The following ARFGAP3 variants were observed in gnomAD, a reference collection of about 807,000 sequenced individuals.
ARFGAP3 encodes ADP-ribosylation factor GTPase-activating protein 3.
A neutral mutation model predicts 75.0 loss-of-function variants in ARFGAP3; 72 were observed. The observed-to-expected ratio is 0.96, with a 90% CI of 0.79 to 1.17. The LOEUF (loss-of-function observed/expected upper bound fraction) is 1.17, where lower values mean the gene tolerates loss of function less well. ARFGAP3 is among the 50% of genes most tolerant of loss of function. The pLI is 0.00. For missense variants in ARFGAP3, 620 were observed against 626.6 expected (o/e 0.99, Z 0.11); for synonymous variants, 221 against 217.9 (o/e 1.01, Z -0.13).
chr22:42,803,206 T>A (rs1924958152), intron 14 of ARFGAP3, among the ~76,000 whole-genome samples: 1 of 152,164 alleles, frequency 6.6e-6, no homozygotes, highest in South Asian at 2.1e-4. Flanking sequence ...GGTCCCACTA[T>A]GTTGTCCAGG....
intron 14 of ARFGAP3, among the ~76,000 whole-genome samples, chr22:42,804,714 C>T (rs2146527534): frequency 6.6e-6 from 1 of 152,172 alleles, no homozygotes; most frequent in East Asian, 1.9e-4. Context: ...TGGGGTTTCA[C>T]CATGTTAGCC....
At chr22:42,808,943 G>A in intron 12 of ARFGAP3, 53 bp from the exon 13 acceptor site, 1 of 1,481,172 alleles carries the variant, frequency 6.8e-7, no homozygotes, top group South Asian at 1.5e-5. Context: ...TGAAGCAAAT[G>A]TGTTTCATAC....
chr22:42,798,532 TGTG>T (rs775455086), intron 15 of ARFGAP3, among the ~76,000 whole-genome samples: 57 of 152,058 alleles, frequency 3.7e-4, no homozygotes, highest in Admixed American at 9.8e-4. Flanking sequence ...CTCAATAGAA[TGTG>T]GTTTTAGGAA....
intron 1 of ARFGAP3, among the ~76,000 whole-genome samples, chr22:42,848,537 T>C (rs1027951916): frequency 6.6e-6 from 1 of 152,180 alleles, no homozygotes; most frequent in African/African-American, 2.4e-5. Context: ...CAATGCACAC[T>C]ATACATAGTG....
intron 1 of ARFGAP3, among the ~76,000 whole-genome samples, chr22:42,856,906 G>A (rs1927529053): frequency 6.6e-6 from 1 of 150,762 alleles, no homozygotes; most frequent in South Asian, 2.1e-4. Context: ...CTCGCGTGAG[G>A]ACCCCCGCGC....
chr22:42,812,600 G>A (rs1391114479), intron 11 of ARFGAP3, among the ~76,000 whole-genome samples: 2 of 152,138 alleles, frequency 1.3e-5, no homozygotes, highest in African/African-American at 2.4e-5. Flanking sequence ...CAGGGACCTC[G>A]GTGAGCTAAG....
chr22:42,842,820 G>A (rs746112324), intron 2 of ARFGAP3, among the ~76,000 whole-genome samples: 17 of 152,096 alleles, frequency 1.1e-4, no homozygotes, highest in African/African-American at 3.6e-4. Flanking sequence ...CATAAAAAGC[G>A]TTGCCTTTCT....
intron 3 of ARFGAP3, among the ~76,000 whole-genome samples, chr22:42,838,265 T>C (rs9306365): frequency 0.03 from 4,198 of 137,896 alleles, 78 homozygotes; most frequent in African/African-American, 0.04. Flanking sequence ...GATATATATA[T>C]ACACACACAC....
intron 1 of ARFGAP3, among the ~76,000 whole-genome samples, chr22:42,848,252 A>G (rs188719504): frequency 6.6e-6 from 1 of 152,246 alleles, no homozygotes; most frequent in East Asian, 1.9e-4. Flanking sequence ...TCTGTCGCCC[A>G]GGCTGGAGTG....
chr22:42,852,643 G>C (rs899859209), intron 1 of ARFGAP3, among the ~76,000 whole-genome samples: 8 of 152,160 alleles, frequency 5.3e-5, no homozygotes, highest in Admixed American at 5.2e-4. Flanking sequence ...TTACAGGTGT[G>C]AGCCACTGTG....
intron 5 of ARFGAP3, among the ~76,000 whole-genome samples, chr22:42,833,232 T>C (rs1926374324): frequency 6.6e-6 from 1 of 152,172 alleles, no homozygotes; most frequent in Non-Finnish European, 1.5e-5. Flanking sequence ...TCCAATAGCT[T>C]TGAGATAATA....
At chr22:42,826,652 G>A (rs555597551) in intron 7 of ARFGAP3, among the ~76,000 whole-genome samples, 8 of 152,062 alleles carry the variant, frequency 5.3e-5, no homozygotes, top group Middle Eastern at 3.4e-3. Context: ...TGACCACCTC[G>A]GCTTCATAAA....
intron 11 of ARFGAP3, among the ~76,000 whole-genome samples, chr22:42,816,200 A>G (rs11705652): frequency 3.6e-3 from 545 of 152,362 alleles, no homozygotes; most frequent in Non-Finnish European, 6.4e-3. Flanking sequence ...AGCTAAACAT[A>G]GTAAGAGCCA....
chr22:42,837,072 G>T (rs1245939951), intron 3 of ARFGAP3, among the ~76,000 whole-genome samples: 1 of 152,208 alleles, frequency 6.6e-6, no homozygotes, highest in African/African-American at 2.4e-5. Context: ...CTGCAACCTT[G>T]GGAAGGCTTA....
At chr22:42,812,781 A>G (rs1195077727) in intron 11 of ARFGAP3, among the ~76,000 whole-genome samples, 1 of 152,282 alleles carries the variant, frequency 6.6e-6, no homozygotes, top group East Asian at 1.9e-4. Context: ...CTCTGGCAAG[A>G]AGGTCATTAA....
intron 14 of ARFGAP3, among the ~76,000 whole-genome samples, chr22:42,806,801 C>T (rs977410076): frequency 3.9e-5 from 6 of 152,220 alleles, no homozygotes; most frequent in Non-Finnish European, 8.8e-5. Flanking sequence ...TTTCATAGCA[C>T]AGCCGCACTC....
Position 42,810,935 on chromosome 22 carries a change from G to A in ARFGAP3, c.1074C>T (p.Asp358=), listed in dbSNP as rs78242300. 1.3e-5 allele frequency: 21 copies of A among 1,613,816 alleles called. No homozygotes were observed. The highest frequency in any genetic ancestry group is 4.4e-5 in the South Asian group (4 of 91,064). The part of the protein sequence containing the change: ...SYFTSSSSYF[D]EPVELRSSSF... ...AACTGCTCCTTAACTCCACTGGCTC[G>A]TCAAAGTAACTGTAGGAGCAAGAGT... is the stretch of plus-strand genomic sequence containing the variant. Residue 358 remains aspartate, a synonymous_variant, in exon 12 of 16, where the codon GAC becomes GAT. Coordinates refer to ENST00000263245, the MANE Select transcript of ARFGAP3 (RefSeq NM_014570.5).
chr22:42,810,242 C>T (rs1925304521), intron 12 of ARFGAP3, among the ~76,000 whole-genome samples: 1 of 152,090 alleles, frequency 6.6e-6, no homozygotes, highest in Non-Finnish European at 1.5e-5. Flanking sequence ...CCGAGGCAGG[C>T]GGATCATTTG....
In ARFGAP3 at chr22:42,834,269, A is replaced by G. The variant is rs920449224; in HGVS notation, c.450T>C (p.Asp150=). ...PPLSPPPKEE[D]FFASHVSPEV... ...CAGGAGAAACGTGAGAGGCAAAAAAATCTTCCTCCTTTGGTGGAGGGGACA... is the reference window on the plus strand; with the variant it reads ...CAGGAGAAACGTGAGAGGCAAAAAAGTCTTCCTCCTTTGGTGGAGGGGACA... Residue 150 remains aspartate, a synonymous_variant, in exon 5 of 16, where the codon GAT becomes GAC. Coordinates refer to ENST00000263245, the MANE Select transcript of ARFGAP3 (RefSeq NM_014570.5). The G allele has an allele frequency of 1.9e-6, 3 of 1,614,078 alleles. No individual in the cohort carries two copies. Among genetic ancestry groups the G allele is most frequent in the Non-Finnish European group, 2.5e-6 (3 of 1,179,994 alleles).
Sources: allele counts gnomAD v4.1 joint callset (sites outside exome capture counted in the v4.1 genomes callset), GRCh38; gene constraint gnomAD v4.1.1; transcripts MANE v1.5; gene names NCBI Gene and HGNC (gene_info 2026-07-23, HGNC 2026-07-21).